APLF: variants seen among roughly 807,000 people sequenced by gnomAD.
APLF encodes aprataxin and PNK-like factor.
In APLF, 61 loss-of-function variants were observed where a neutral mutation model predicts 55.6. The observed-to-expected ratio is 1.10, with a 90% CI of 0.89 to 1.36. The LOEUF (loss-of-function observed/expected upper bound fraction) is 1.36, where lower values mean the gene tolerates loss of function less well. APLF is among the 40% of genes most tolerant of loss of function. APLF has a pLI of 0.00. For synonymous variants in APLF, 207 were observed against 214.8 expected, an observed-to-expected ratio of 0.96 and a Z score of 0.32; for missense variants, 611 against 602.5, an observed-to-expected ratio of 1.01 and a Z score of -0.15.
intron 5 of APLF, among the ~76,000 whole-genome samples, chr2:68,519,005 T>TTAATATATAA (rs888193858): frequency 1.6e-5 from 2 of 124,000 alleles, no homozygotes; most frequent in Non-Finnish European, 3.2e-5. Context: ...TAATATATTA[T>TTAATATATAA]TAATATATAA....
Position 68,555,959 on chromosome 2 carries a change from G to A in APLF, c.1286+10647G>A, listed in dbSNP as rs373522711. Reference sequence around the variant, plus strand: ...AAAAACATGGAACCAACCCAAATGCGCATCAATAAACGAGTGGATAAACAG... The same window carrying A: ...AAAAACATGGAACCAACCCAAATGCACATCAATAAACGAGTGGATAAACAG... On this transcript the variant is annotated intron_variant, in intron 8 of 9. Coordinates refer to ENST00000303795, the MANE Select transcript of APLF (RefSeq NM_173545.3). Among the ~76,000 whole-genome samples the A allele has an allele frequency of 2.1e-4, 32 of 152,198 alleles. No homozygotes were observed. In the South Asian group the frequency reaches 2.7e-3, roughly 13 times the overall value.
rs556614837 is a variant in APLF, at chr2:68,573,438, C to T, written c.1334-4382C>T. Among the ~76,000 whole-genome samples the T allele has an allele frequency of 3.9e-5, 6 of 152,132 alleles. No individual in the cohort carries two copies. In the East Asian group the frequency reaches 9.7e-4, roughly 24 times the overall value. On this transcript the variant is annotated intron_variant, in intron 9 of 9. Coordinates refer to ENST00000303795, the MANE Select transcript of APLF (RefSeq NM_173545.3). ...CTGTAATCCTAGCACTTTGGGGGGCCGAGGCGGGTGGATCACCTGAGGTCA... is the reference window on the plus strand; with the variant it reads ...CTGTAATCCTAGCACTTTGGGGGGCTGAGGCGGGTGGATCACCTGAGGTCA...
At chr2:68,519,030 T>G (rs1669798598) in intron 5 of APLF, among the ~76,000 whole-genome samples, 1 of 124,666 alleles carries the variant, frequency 8.0e-6, no homozygotes, top group Non-Finnish European at 1.6e-5. Flanking sequence ...ATATAATATA[T>G]GATTAATATA....
At chr2:68,549,606 A>G (rs1163020654) in intron 8 of APLF, among the ~76,000 whole-genome samples, 1 of 152,132 alleles carries the variant, frequency 6.6e-6, no homozygotes, top group Non-Finnish European at 1.5e-5. Context: ...GTGCACTTAC[A>G]TGTGTATTCT....
chr2:68,514,564 C>G (rs1483489731), intron 5 of APLF, among the ~76,000 whole-genome samples: 1 of 151,720 alleles, frequency 6.6e-6, no homozygotes, highest in East Asian at 1.9e-4. Flanking sequence ...TCCTTGGGCC[C>G]CATACAAATG....
chr2:68,566,496 A>T (rs550075028), intron 8 of APLF, among the ~76,000 whole-genome samples: 1 of 152,270 alleles, frequency 6.6e-6, no homozygotes, highest in African/African-American at 2.4e-5. Context: ...ATACTTGCTG[A>T]ATGAACAAAT....
intron 2 of APLF, among the ~76,000 whole-genome samples, chr2:68,491,088 A>C (rs903885669): frequency 6.6e-6 from 1 of 152,168 alleles, no homozygotes; most frequent in Non-Finnish European, 1.5e-5. Flanking sequence ...TTTTAATTTT[A>C]GTACTTGGAA....
rs1261190170 is a variant in APLF, at chr2:68,556,353, T to TA, written c.1287-10980dup. On this transcript the variant is annotated intron_variant, in intron 8 of 9. Transcript: ENST00000303795. ...CCTGTTCCCCAATAACCTATGGAAA[T>TA]AAAAAAAATTTAATAAAAAAAGGTA... Among the ~76,000 whole-genome samples, 47 of 152,134 alleles carry TA rather than the reference T, an allele frequency of 3.1e-4. 1 individual carries two copies. Among genetic ancestry groups the TA allele is most frequent in the African/African-American group, 9.4e-4 (39 of 41,500 alleles).
intron 2 of APLF, among the ~76,000 whole-genome samples, chr2:68,499,902 T>A (rs1031786393): frequency 2.6e-5 from 4 of 152,148 alleles, no homozygotes; most frequent in Non-Finnish European, 4.4e-5. Context: ...AAACATACTT[T>A]AAAAAAATCT....
intron 2 of APLF, among the ~76,000 whole-genome samples, chr2:68,501,587 C>A (rs1259410841): frequency 6.6e-6 from 1 of 152,122 alleles, no homozygotes; most frequent in African/African-American, 2.4e-5. Context: ...TAAGGCACCT[C>A]ATAATAGGTC....
chr2:68,507,490 A>C (rs1056797322), intron 3 of APLF, among the ~76,000 whole-genome samples: 1 of 151,760 alleles, frequency 6.6e-6, no homozygotes, highest in African/African-American at 2.4e-5. Context: ...TTCATTTTTC[A>C]CTCTTTTCTC....
chr2:68,478,663 G>A (rs1675856961), intron 1 of APLF, among the ~76,000 whole-genome samples: 1 of 152,168 alleles, frequency 6.6e-6, no homozygotes, highest in Non-Finnish European at 1.5e-5. Context: ...TAATCATTGA[G>A]GAGAAAGGAT....
At chr2:68,531,599 T>C (rs1477559637) in intron 6 of APLF, among the ~76,000 whole-genome samples, 4 of 152,210 alleles carry the variant, frequency 2.6e-5, no homozygotes, top group African/African-American at 9.7e-5. Flanking sequence ...CAAAATGTTT[T>C]CTGGCTCACA....
rs77800430 is a variant in APLF, at chr2:68,473,134, G to A, written c.96+5307G>A. 6.5e-3 allele frequency among the ~76,000 whole-genome samples: 983 copies of A among 152,190 alleles called. 7 individuals carry two copies. The highest frequency in any genetic ancestry group is 0.023 in the African/African-American group (936 of 41,512). On this transcript the variant is annotated intron_variant, in intron 1 of 9. Transcript: ENST00000303795. ...ATCTACCATTGCAGTATAACACAGA[G>A]TTGTTCCACTGCCCTAAAATTTTCT...
chr2:68,544,483 A>AT (rs1354547993), intron 7 of APLF, among the ~76,000 whole-genome samples: 1 of 151,980 alleles, frequency 6.6e-6, no homozygotes, highest in Admixed American at 6.5e-5. Flanking sequence ...TAAAACAATA[A>AT]TTTTTTCTTG....
chr2:68,513,415 G>T (rs1669467151), intron 4 of APLF, 133 bp from the exon 5 acceptor site: 1 of 1,259,976 alleles, frequency 7.9e-7, no homozygotes, highest in East Asian at 2.3e-5. Flanking sequence ...TAATTTCTTT[G>T]TTCAAGAAAT....
chr2:68,502,872 C>T lies in APLF; in HGVS notation c.310C>T (p.Pro104Ser). The T allele has an allele frequency of 6.2e-7, 1 of 1,604,920 alleles. No individual in the cohort carries two copies. Among genetic ancestry groups the T allele is most frequent in the Non-Finnish European group, 8.5e-7 (1 of 1,176,948 alleles). The change falls in exon 3 of 10, where the codon CCC becomes TCC. Residue 104 changes from proline (P) to serine (S), a missense_variant. Coordinates refer to ENST00000303795, the MANE Select transcript of APLF (RefSeq NM_173545.3). ...DKYIFRILSI[P>S]SEVEMQCTLR... Reference sequence around the variant, plus strand: ...ATACATTTTCCGCATTCTCTCTATACCCTCTGAAGTGGAAATGCAATGTAC... The same window carrying T: ...ATACATTTTCCGCATTCTCTCTATATCCTCTGAAGTGGAAATGCAATGTAC...
intron 6 of APLF, chr2:68,535,433 C>A: frequency 4.1e-6 from 1 of 243,750 alleles, no homozygotes; most frequent in South Asian, 5.0e-5. Flanking sequence ...GATGAATGCA[C>A]ACATAGATAT....
At chr2:68,528,942 T>G in intron 6 of APLF, 2 of 1,522,870 alleles carry the variant, frequency 1.3e-6, no homozygotes, top group Non-Finnish European at 8.8e-7. Context: ...GGGCCCCTTT[T>G]ATTGTCCTCC....
Sources: gnomAD v4.1 joint callset for allele counts (sites outside exome capture counted in the v4.1 genomes callset) on GRCh38, gnomAD v4.1.1 for gene constraint, MANE v1.5 for transcripts, NCBI Gene and HGNC (gene_info 2026-07-23, HGNC 2026-07-21) for gene names.